The following ERI1 variants were observed in gnomAD, a reference collection of about 807,000 sequenced individuals.
The protein encoded by ERI1 is 3'-5' exoribonuclease 1.
Under a neutral mutation model 39.7 loss-of-function variants are expected in ERI1, and 39 were observed. The ratio of observed to expected loss-of-function variants is 0.98; its 90% confidence interval spans 0.76 to 1.28. The LOEUF is 1.28. ERI1 is among the 50% of genes most tolerant of loss of function. ERI1 has a pLI of 0.00. For synonymous variants in ERI1, 204 were observed against 149.6 expected (o/e 1.36, Z -2.65); for missense variants, 581 against 416.9 (o/e 1.39, Z -3.43).
intron 3 of ERI1, 84 bp from the exon 4 acceptor site, chr8:9,016,238 C>A: frequency 2.9e-6 from 2 of 700,568 alleles, no homozygotes; most frequent in South Asian, 2.8e-5. Flanking sequence ...AAATTGCAAC[C>A]TGCTGTGATG....
intron 1 of ERI1, chr8:9,004,187 C>T (rs1328422429): frequency 7.8e-7 from 1 of 1,287,842 alleles, no homozygotes; most frequent in Non-Finnish European, 1.0e-6. Context: ...TTATCTTTCT[C>T]CTTCTAAGGT....
intron 3 of ERI1, among the ~76,000 whole-genome samples, chr8:9,063,002 T>G (rs1010232133): frequency 6.6e-6 from 1 of 152,152 alleles, no homozygotes; most frequent in African/African-American, 2.4e-5. Context: ...TGTCTCACAG[T>G]GGAGGCAAGG....
intron 5 of ERI1, among the ~76,000 whole-genome samples, chr8:9,019,715 ATT>A (rs1817683101): frequency 6.6e-6 from 1 of 152,196 alleles, no homozygotes; most frequent in Admixed American, 6.5e-5. Context: ...AGTTGACAGT[ATT>A]ATAAGAAAAT....
chr8:9,068,056 G>C (rs947866495), intron 3 of ERI1, among the ~76,000 whole-genome samples: 4 of 152,052 alleles, frequency 2.6e-5, no homozygotes, highest in South Asian at 4.2e-4. Flanking sequence ...AAGCTTTATG[G>C]CTAAAAAAGT....
Position 9,081,880 on chromosome 8 carries a change from C to T in ERI1, n.300-34468C>T, listed in dbSNP as rs575602620. Among the ~76,000 whole-genome samples the T allele has an allele frequency of 2.5e-4, 38 of 152,254 alleles. 1 individual carries two copies. In the East Asian group the frequency reaches 6.9e-3, roughly 28 times the overall value. On this transcript the variant is annotated intron_variant and non_coding_transcript_variant, in intron 3 of 3. Transcript: ENST00000518663. The stretch of plus-strand genomic sequence containing the variant: ...ATGAAAAATAAGCAATTTAATTATT[C>T]TATGTCTAGACTTCTCATTAGCCTG...
At chr8:9,035,874 A>T (rs2117331518), downstream of ERI1, among the ~76,000 whole-genome samples, 1 of 152,348 alleles carries the variant, frequency 6.6e-6, no homozygotes, top group South Asian at 2.1e-4. Context: ...GATTCGTGAG[A>T]GGAGGTAAAG....
chr8:9,088,409 C>A (rs910738348), intron 3 of ERI1: 1 of 152,134 alleles, frequency 6.6e-6, no homozygotes, highest in African/African-American at 2.4e-5. Flanking sequence ...TCCGTTAGCT[C>A]AAGTTGTGCC....
intron 3 of ERI1, among the ~76,000 whole-genome samples, chr8:9,092,827 A>G (rs532391152): frequency 1.3e-5 from 2 of 152,326 alleles, no homozygotes; most frequent in South Asian, 4.1e-4. Flanking sequence ...CCAGAATTGT[A>G]TTGGCTTACA....
At chr8:9,013,222 G>A (rs957117531) in intron 3 of ERI1, among the ~76,000 whole-genome samples, 3 of 150,724 alleles carry the variant, frequency 2.0e-5, no homozygotes, top group Non-Finnish European at 4.4e-5. Context: ...ATCATGTTGC[G>A]CAGGCTGGTT....
At chr8:9,013,294 C>G (rs930769851) in intron 3 of ERI1, among the ~76,000 whole-genome samples, 1 of 146,490 alleles carries the variant, frequency 6.8e-6, no homozygotes, top group Non-Finnish European at 1.5e-5. Context: ...GGATTACAGG[C>G]GTGAGCCACC....
intron 3 of ERI1, among the ~76,000 whole-genome samples, chr8:9,087,979 T>C (rs928177725): frequency 4.6e-5 from 7 of 152,192 alleles, no homozygotes; most frequent in African/African-American, 1.7e-4. Context: ...GATCATCACA[T>C]TCCTGGCAGA....
chr8:9,034,777 A>G (rs1211103524), downstream of ERI1, among the ~76,000 whole-genome samples: 1 of 152,066 alleles, frequency 6.6e-6, no homozygotes, highest in African/African-American at 2.4e-5. Context: ...AATCTTAAAG[A>G]GGAAGGCATG....
intron 3 of ERI1, among the ~76,000 whole-genome samples, chr8:9,069,114 G>A (rs915475501): frequency 5.3e-5 from 8 of 152,004 alleles, no homozygotes; most frequent in African/African-American, 9.7e-5. Context: ...CCACCACATC[G>A]GCCATTTTAA....
downstream of ERI1, among the ~76,000 whole-genome samples, chr8:9,035,381 G>A (rs911521958): frequency 1.3e-5 from 2 of 152,220 alleles, no homozygotes; most frequent in Non-Finnish European, 2.9e-5. Flanking sequence ...AAGGGCTAAT[G>A]TAGCTGGTTT....
chr8:9,066,231 T>C (rs369969497), intron 3 of ERI1, among the ~76,000 whole-genome samples: 4 of 152,156 alleles, frequency 2.6e-5, no homozygotes, highest in East Asian at 3.8e-4. Flanking sequence ...ATTTTCTTCA[T>C]TGGGGTTCCC....
intron 3 of ERI1, among the ~76,000 whole-genome samples, chr8:9,039,796 G>A (rs1000398162): frequency 6.6e-6 from 1 of 152,122 alleles, no homozygotes; most frequent in African/African-American, 2.4e-5. Flanking sequence ...TTTATTTTCT[G>A]TTAAGAGGTA....
intron 3 of ERI1, among the ~76,000 whole-genome samples, chr8:9,079,481 T>G (rs186587151): frequency 6.6e-6 from 1 of 152,354 alleles, no homozygotes; most frequent in Non-Finnish European, 1.5e-5. Context: ...GTTGTGACTC[T>G]CATTTAAAAT....
chr8:9,040,358 A>T (rs1295263181), intron 3 of ERI1, among the ~76,000 whole-genome samples: 2 of 152,190 alleles, frequency 1.3e-5, no homozygotes, highest in African/African-American at 4.8e-5. Flanking sequence ...CTAAGGCCTT[A>T]AGCTGACTTG....
chr8:9,094,822 G>T (rs951692733), intron 3 of ERI1, among the ~76,000 whole-genome samples: 1 of 152,058 alleles, frequency 6.6e-6, no homozygotes, highest in Non-Finnish European at 1.5e-5. Flanking sequence ...TAAAGACTCA[G>T]ACAAATATTA....
Sources: allele counts gnomAD v4.1 joint callset (sites outside exome capture counted in the v4.1 genomes callset), GRCh38; gene constraint gnomAD v4.1.1; transcripts MANE v1.5; gene names NCBI Gene and HGNC (gene_info 2026-07-23, HGNC 2026-07-21).